Variants in KLHL2 observed in about 807,000 individuals in gnomAD.
KLHL2 encodes kelch like family member 2, also known as kelch-like protein 2.
In KLHL2, 15 loss-of-function variants were observed where a neutral mutation model predicts 75.8. The ratio of observed to expected loss-of-function variants is 0.20; its 90% CI spans 0.13 to 0.30. The LOEUF is 0.30. Ranked by LOEUF, KLHL2 falls within the 10% of genes least tolerant of loss-of-function variation. KLHL2 has a pLI of 1.00. For missense variants in KLHL2, 381 were observed against 741.0 expected (o/e 0.51, Z 5.64); for synonymous variants, 214 against 251.9 (o/e 0.85, Z 1.42).
chr4:165,305,844 T>C (rs955638782), intron 9 of KLHL2, 119 bp downstream of exon 9: 7 of 721,458 alleles, frequency 9.7e-6, no homozygotes, highest in African/African-American at 3.5e-5. Context: ...AAAATAGCTA[T>C]GTAGTTAAAC....
Position 165,294,423 on chromosome 4 carries a change from C to T in KLHL2, c.609C>T (p.Cys203=). The change falls in exon 6 of 15, where the codon TGC becomes TGT. Residue 203 remains cysteine, a synonymous_variant. Transcript: ENST00000226725. ...TCAATCTTGGCATCGAACAAGTGTGCAGCTTAATCTCAAGTGACAAACTTA... is the reference window on the plus strand; with the variant it reads ...TCAATCTTGGCATCGAACAAGTGTGTAGCTTAATCTCAAGTGACAAACTTA... ...EFLNLGIEQV[C]SLISSDKLTI... is the part of the protein sequence containing the mutation. 1 of 1,609,880 alleles carries T rather than the reference C, an allele frequency of 6.2e-7. No individual in the cohort carries two copies. The highest frequency in any genetic ancestry group is 8.5e-7 in the Non-Finnish European group (1 of 1,176,600).
At position 165,314,001 on chromosome 4, in the gene KLHL2, C is replaced by G. The variant is rs775530968; in HGVS notation, c.1469-25C>G. 6.3e-6 allele frequency: 10 copies of G among 1,598,944 alleles called. No homozygotes were observed. The highest frequency in any genetic ancestry group is 8.5e-6 in the Non-Finnish European group (10 of 1,173,766). On this transcript the variant is annotated intron_variant, in intron 12 of 14. Coordinates refer to ENST00000226725, the MANE Select transcript of KLHL2 (RefSeq NM_007246.4). ...TAAATCTCTTGTTCTTTTTGCCCCTCTATTTGGCTGGTTGTGTTTTATAGG... is the reference window on the plus strand; with the variant it reads ...TAAATCTCTTGTTCTTTTTGCCCCTGTATTTGGCTGGTTGTGTTTTATAGG...
chr4:165,246,569 T>TA (rs1740282638), intron 4 of KLHL2, among the ~76,000 whole-genome samples: 1 of 151,974 alleles, frequency 6.6e-6, no homozygotes, highest in African/African-American at 2.4e-5. Flanking sequence ...TATTTGGAGG[T>TA]AGGGTCAGTG....
intron 3 of KLHL2, among the ~76,000 whole-genome samples, chr4:165,232,703 G>T (rs1738997235): frequency 6.6e-6 from 1 of 151,954 alleles, no homozygotes; most frequent in Admixed American, 6.6e-5. Flanking sequence ...TCATGCCACT[G>T]CCCTCCACCT....
At chr4:165,265,196 G>C (rs1195044590) in intron 5 of KLHL2, among the ~76,000 whole-genome samples, 2 of 152,060 alleles carry the variant, frequency 1.3e-5, no homozygotes, top group African/African-American at 4.8e-5. Flanking sequence ...ATCTGTTCAT[G>C]TCATTTGCCC....
intron 1 of KLHL2, 108 bp downstream of exon 1, chr4:165,208,010 A>T: frequency 1.3e-6 from 1 of 748,272 alleles, no homozygotes; most frequent in African/African-American, 1.9e-5. Flanking sequence ...GGCCGGCGGG[A>T]GGTGGGAGAT....
intron 2 of KLHL2, among the ~76,000 whole-genome samples, chr4:165,226,838 G>T (rs190001901): frequency 1.6e-3 from 239 of 152,218 alleles, no homozygotes; most frequent in Admixed American, 2.2e-3. Flanking sequence ...AAGAGGCTCT[G>T]GAGTCAGCCT....
At chr4:165,283,464 A>T (rs1233487081) in intron 5 of KLHL2, among the ~76,000 whole-genome samples, 1 of 152,220 alleles carries the variant, frequency 6.6e-6, no homozygotes, top group Non-Finnish European at 1.5e-5. Context: ...TACTGGCCCC[A>T]TGCAAGTCTG....
chr4:165,257,298 C>T (rs747443747), intron 4 of KLHL2, among the ~76,000 whole-genome samples: 94 of 152,204 alleles, frequency 6.2e-4, no homozygotes, highest in Non-Finnish European at 1.1e-3. Context: ...CTACATGTGA[C>T]GGGACCTTTG....
At chr4:165,246,997 G>A (rs1419073715) in intron 4 of KLHL2, among the ~76,000 whole-genome samples, 2 of 152,156 alleles carry the variant, frequency 1.3e-5, no homozygotes, top group African/African-American at 4.8e-5. Flanking sequence ...GGAAAAGCAG[G>A]TGTATGTGGT....
Position 165,238,644 on chromosome 4 carries a change from G to A in KLHL2, c.260-134G>A, listed in dbSNP as rs1410865251. 10 of 1,512,710 alleles carry A rather than the reference G, an allele frequency of 6.6e-6. No homozygotes were observed. In the African/African-American group the frequency reaches 1.3e-4, roughly 19 times the overall value. 93.7% of individuals were successfully genotyped at this position (1,512,710 alleles called of 1,614,324 possible). On this transcript the variant is annotated intron_variant, in intron 3 of 14. Transcript: ENST00000226725. The stretch of plus-strand genomic sequence containing the variant: ...GAAGAGGAAGGGGGGAGTATTTTCG[G>A]CCTGCAAAAAGTGGCTGATTATGCT...
At chr4:165,280,053 G>C (rs1262358555) in intron 5 of KLHL2, among the ~76,000 whole-genome samples, 1 of 152,134 alleles carries the variant, frequency 6.6e-6, no homozygotes, top group African/African-American at 2.4e-5. Context: ...TCCCTACCTT[G>C]GTTCGGACTA....
chr4:165,320,250 T>C (rs992349040), intron 14 of KLHL2, among the ~76,000 whole-genome samples: 2 of 152,216 alleles, frequency 1.3e-5, no homozygotes, highest in Non-Finnish European at 1.5e-5. Flanking sequence ...GCAGTTGGGT[T>C]TATGATTTGG....
At chr4:165,236,599 C>T (rs1291629930) in intron 3 of KLHL2, among the ~76,000 whole-genome samples, 2 of 152,134 alleles carry the variant, frequency 1.3e-5, no homozygotes, top group Non-Finnish European at 2.9e-5. Flanking sequence ...GAAAACACAG[C>T]ATAGGGCAAA....
At chr4:165,264,054 A>C (rs1415553588) in intron 5 of KLHL2, among the ~76,000 whole-genome samples, 1 of 152,128 alleles carries the variant, frequency 6.6e-6, no homozygotes, top group Non-Finnish European at 1.5e-5. Context: ...CAGACCCCTC[A>C]TCTCTGCAGT....
intron 5 of KLHL2, among the ~76,000 whole-genome samples, chr4:165,291,519 T>C (rs1484301853): frequency 1.3e-5 from 2 of 152,232 alleles, no homozygotes; most frequent in African/African-American, 2.4e-5. Context: ...GTGGAGTCTG[T>C]GTCTAGATTT....
At chr4:165,290,157 T>A (rs555989378) in intron 5 of KLHL2, among the ~76,000 whole-genome samples, 6 of 152,158 alleles carry the variant, frequency 3.9e-5, no homozygotes, top group African/African-American at 1.4e-4. Context: ...TTTTATTTGT[T>A]TTTTTTTGAG....
intron 5 of KLHL2, among the ~76,000 whole-genome samples, chr4:165,263,805 G>GTTTTTTTTTTT (rs55901119): frequency 9.0e-5 from 6 of 66,480 alleles, no homozygotes; most frequent in Admixed American, 2.3e-4. Context: ...TTTTTACATT[G>GTTTTTTTTTTT]TTTTTTTTTT....
chr4:165,218,842 T>C (rs537850185), intron 1 of KLHL2, among the ~76,000 whole-genome samples: 1 of 152,388 alleles, frequency 6.6e-6, no homozygotes, highest in Non-Finnish European at 1.5e-5. Context: ...TGTTCTTTGA[T>C]ATATATACAA....
Sources: gnomAD v4.1 joint callset for allele counts (sites outside exome capture counted in the v4.1 genomes callset) on GRCh38, gnomAD v4.1.1 for gene constraint, MANE v1.5 for transcripts, NCBI Gene and HGNC (gene_info 2026-07-23, HGNC 2026-07-21) for gene names.